TFEC: variants seen among roughly 807,000 people sequenced by gnomAD.
TFEC encodes class E basic helix-loop-helix protein 34.
TFEC carries 31 observed loss-of-function variants against 41.6 expected under a neutral mutation model. The ratio of observed to expected loss-of-function variants is 0.74; its 90% CI spans 0.56 to 1.01. The LOEUF (loss-of-function observed/expected upper bound fraction) is 1.01, where lower values mean the gene tolerates loss of function less well. TFEC is among the 50% of genes least tolerant of loss of function. The pLI is 0.00. For synonymous variants in TFEC, 143 were observed against 140.6 expected (o/e 1.02, Z -0.12); for missense variants, 402 against 404.1 (o/e 0.99, Z 0.04).
intron 3 of TFEC, among the ~76,000 whole-genome samples, chr7:116,079,500 A>G (rs371351931): frequency 6.6e-6 from 1 of 152,126 alleles, no homozygotes; most frequent in East Asian, 1.9e-4. Context: ...TACAAAACTC[A>G]TGTACACAAA....
intron 3 of TFEC, among the ~76,000 whole-genome samples, chr7:116,039,090 C>A (rs1795973867): frequency 6.6e-6 from 1 of 150,924 alleles, no homozygotes; most frequent in Admixed American, 6.7e-5. Flanking sequence ...AATTAACCTG[C>A]AACCCAATTA....
At chr7:116,060,959 A>T (rs1796541274) in intron 3 of TFEC, among the ~76,000 whole-genome samples, 1 of 152,116 alleles carries the variant, frequency 6.6e-6, no homozygotes, top group Non-Finnish European at 1.5e-5. Context: ...ATTGCTAAAA[A>T]AAATTAAAGA....
At chr7:116,130,764 C>T (rs969459898) in intron 1 of TFEC, among the ~76,000 whole-genome samples, 1 of 152,154 alleles carries the variant, frequency 6.6e-6, no homozygotes, top group African/African-American at 2.4e-5. Context: ...AGGCACAAAC[C>T]ACCATGCCAG....
rs201048977 is a variant in TFEC, at chr7:116,079,256, CT to C, written c.198+31451del. On this transcript the variant is annotated intron_variant, in intron 3 of 8. Transcript: ENST00000484212. ...TGGGAAAAAATGAAAAGCATTCCCC[CT>C]GAGAACTGGCACAAGACAAGGATGC... 1.7e-3 allele frequency among the ~76,000 whole-genome samples: 262 copies of C among 152,076 alleles called. 1 individual carries two copies. Among genetic ancestry groups the C allele is most frequent in the African/African-American group, 6.0e-3 (251 of 41,538 alleles).
At chr7:115,974,333 A>C (rs1189216093) in intron 2 of TFEC, 77 bp from the exon 3 acceptor site, 1 of 1,138,464 alleles carries the variant, frequency 8.8e-7, no homozygotes, top group Non-Finnish European at 1.2e-6. Context: ...AGAGAGAAAA[A>C]TTCTAGCAAT....
intron 1 of TFEC, among the ~76,000 whole-genome samples, chr7:116,126,087 C>T (rs1419727235): frequency 2.0e-5 from 3 of 151,964 alleles, no homozygotes; most frequent in Admixed American, 2.0e-4. Context: ...TAGGGATTTA[C>T]ACATTGGAGA....
At chr7:116,058,973 T>G (rs1422801062) in intron 3 of TFEC, among the ~76,000 whole-genome samples, 1 of 151,636 alleles carries the variant, frequency 6.6e-6, no homozygotes, top group East Asian at 1.9e-4. Flanking sequence ...GCTTCTACCT[T>G]AACACATTAG....
At chr7:115,964,441 G>A (rs1305694802) in intron 3 of TFEC, among the ~76,000 whole-genome samples, 2 of 151,200 alleles carry the variant, frequency 1.3e-5, no homozygotes, top group Non-Finnish European at 3.0e-5. Flanking sequence ...AAAAACTATA[G>A]GCCCATTTCA....
intron 2 of TFEC, among the ~76,000 whole-genome samples, chr7:115,980,818 C>A (rs1793598482): frequency 6.6e-6 from 1 of 151,602 alleles, no homozygotes; most frequent in Non-Finnish European, 1.5e-5. Context: ...AATAGTAAAC[C>A]ATAGTGCTGT....
At chr7:115,977,199 GAATT>G (rs1395953840) in intron 2 of TFEC, among the ~76,000 whole-genome samples, 3 of 151,972 alleles carry the variant, frequency 2.0e-5, no homozygotes, top group African/African-American at 4.8e-5. Context: ...AGATGAAACA[GAATT>G]AATAGATCAG....
intron 3 of TFEC, among the ~76,000 whole-genome samples, chr7:116,056,994 T>C (rs1270731670): frequency 6.6e-6 from 1 of 152,030 alleles, no homozygotes; most frequent in Non-Finnish European, 1.5e-5. Context: ...ATTGAACTTC[T>C]AAATATGAAA....
intron 3 of TFEC, among the ~76,000 whole-genome samples, chr7:116,050,831 T>C (rs1296086870): frequency 6.6e-6 from 1 of 152,244 alleles, no homozygotes; most frequent in African/African-American, 2.4e-5. Context: ...CATGCTGCTA[T>C]AAAGACACAT....
intron 3 of TFEC, among the ~76,000 whole-genome samples, chr7:116,053,994 A>G (rs776692977): frequency 6.6e-6 from 1 of 152,216 alleles, no homozygotes; most frequent in Non-Finnish European, 1.5e-5. Context: ...TTGCAATTTA[A>G]TAGTAAACTG....
At chr7:116,067,593 C>T (rs1796724698) in intron 3 of TFEC, among the ~76,000 whole-genome samples, 1 of 151,978 alleles carries the variant, frequency 6.6e-6, no homozygotes, top group South Asian at 2.1e-4. Flanking sequence ...TTCCCTGTGT[C>T]TACTGCTTTG....
intron 3 of TFEC, among the ~76,000 whole-genome samples, chr7:116,041,479 G>C (rs1368341932): frequency 6.6e-6 from 1 of 152,062 alleles, no homozygotes; most frequent in Non-Finnish European, 1.5e-5. Flanking sequence ...CAAAAAACAG[G>C]TAATACACTT....
At chr7:115,955,182 G>C (rs1792157492) in intron 4 of TFEC, among the ~76,000 whole-genome samples, 2 of 151,814 alleles carry the variant, frequency 1.3e-5, no homozygotes, top group Non-Finnish European at 2.9e-5. Context: ...TGTATATATG[G>C]TGTGGTTGTA....
At chr7:116,108,204 C>A (rs572486532) in intron 3 of TFEC, among the ~76,000 whole-genome samples, 45 of 152,218 alleles carry the variant, frequency 3.0e-4, no homozygotes, top group African/African-American at 9.4e-4. Flanking sequence ...GCTCAACTTA[C>A]AATAAATAAG....
intron 1 of TFEC, among the ~76,000 whole-genome samples, chr7:116,149,899 AT>A (rs1217038495): frequency 1.3e-5 from 2 of 152,160 alleles, no homozygotes; most frequent in Non-Finnish European, 2.9e-5. Flanking sequence ...GCTATTAAAC[AT>A]TATTTCTTCA....
At chr7:116,086,397 G>T (rs1356806526) in intron 3 of TFEC, among the ~76,000 whole-genome samples, 2 of 151,800 alleles carry the variant, frequency 1.3e-5, no homozygotes, top group Non-Finnish European at 2.9e-5. Flanking sequence ...CCATTCAATT[G>T]TTCTTATCCT....
Sources: allele counts gnomAD v4.1 joint callset (sites outside exome capture counted in the v4.1 genomes callset), GRCh38; gene constraint gnomAD v4.1.1; transcripts MANE v1.5; gene names NCBI Gene and HGNC (gene_info 2026-07-23, HGNC 2026-07-21).